YWHAH: variants seen among roughly 807,000 people sequenced by gnomAD.
The protein encoded by YWHAH is 14-3-3 protein eta.
A neutral mutation model predicts 22.9 loss-of-function variants in YWHAH; 6 were observed. The ratio of observed to expected loss-of-function variants is 0.26; its 90% CI spans 0.14 to 0.52. The LOEUF (loss-of-function observed/expected upper bound fraction) is 0.52, where lower values mean the gene tolerates loss of function less well. Ranked by LOEUF, YWHAH falls within the 20% of genes least tolerant of loss-of-function variation. YWHAH has a pLI of 0.97. For missense variants in YWHAH, 173 were observed against 308.6 expected (o/e 0.56, Z 3.29); for synonymous variants, 135 against 124.5 (o/e 1.08, Z -0.56).
intron 1 of YWHAH, among the ~76,000 whole-genome samples, chr22:31,949,364 G>A (rs2093839736): frequency 6.6e-6 from 1 of 151,912 alleles, no homozygotes; most frequent in South Asian, 2.1e-4. Flanking sequence ...GGCTGGTCTT[G>A]AACACCCGAC....
At chr22:31,944,998 C>T (rs1459396531) in intron 1 of YWHAH, 178 bp downstream of exon 1, 46 of 1,119,648 alleles carry the variant, frequency 4.1e-5, no homozygotes, top group South Asian at 8.7e-5. Context: ...CCCGCCACTT[C>T]CTGAGGCTGG....
In YWHAH at chr22:31,944,614, C is replaced by T; in HGVS notation, c.-120C>T. The T allele has an allele frequency of 1.4e-6, 1 of 730,084 alleles. No homozygotes were observed. Among genetic ancestry groups the T allele is most frequent in the Non-Finnish European group, 1.8e-6 (1 of 560,536 alleles). The allele number at this position is 730,084 out of a possible 1,614,324, so 45.2% of individuals were successfully genotyped here. A position where few individuals can be genotyped will look rare whatever the true frequency, so the allele number is the denominator to read the frequency against. On this transcript the variant is annotated 5_prime_UTR_variant, in exon 1 of 2. Transcript: ENST00000248975. ...CTGCAGCCTGCAGCCTCCGGCCGGC[C>T]GGCGAGCCAGTGCGCGTGCGCGGCG...
intron 1 of YWHAH, among the ~76,000 whole-genome samples, chr22:31,948,736 A>G (rs943358424): frequency 6.6e-6 from 1 of 152,230 alleles, no homozygotes; most frequent in South Asian, 2.1e-4. Context: ...CTAGGGAGCT[A>G]TGTTTCCCAC....
chr22:31,944,840 G>T lies in YWHAH; in HGVS notation c.87+20G>T, dbSNP rs1305498381. On this transcript the variant is annotated intron_variant, in intron 1 of 1. Coordinates refer to ENST00000248975, the MANE Select transcript of YWHAH (RefSeq NM_003405.4). ...AAGGCGGTGAGCGCGCCGGGAGCCCGGGCGGCTGGCCGGGGGGGGCCTGGC... is the reference window on the plus strand; with the variant it reads ...AAGGCGGTGAGCGCGCCGGGAGCCCTGGCGGCTGGCCGGGGGGGGCCTGGC... 7.4e-7 allele frequency: 1 copy of T among 1,353,456 alleles called. No homozygotes were observed. 83.8% of individuals were successfully genotyped at this position (1,353,456 alleles called of 1,614,324 possible). A position where few individuals can be genotyped will look rare whatever the true frequency, so the allele number is the denominator to read the frequency against.
intron 1 of YWHAH, chr22:31,945,119 C>T: frequency 4.6e-6 from 5 of 1,075,732 alleles, no homozygotes; most frequent in East Asian, 7.2e-5. Context: ...CGGCCGGGGG[C>T]AGAGGGTGCC....
intron 1 of YWHAH, among the ~76,000 whole-genome samples, chr22:31,949,058 A>G (rs750478107): frequency 2.6e-5 from 4 of 151,916 alleles, no homozygotes; most frequent in Non-Finnish European, 5.9e-5. Flanking sequence ...TTTTCCAGAA[A>G]TACGGTTTCG....
chr22:31,956,487 G>C lies in YWHAH; in HGVS notation c.436G>C (p.Val146Leu). 1 of 1,614,200 alleles carries C rather than the reference G, an allele frequency of 6.2e-7. No individual in the cohort carries two copies. Among genetic ancestry groups the C allele is most frequent in the Non-Finnish European group, 8.5e-7 (1 of 1,180,036 alleles). Residue 146 changes from valine to leucine, a missense_variant, in exon 2 of 2, where the codon GTG (valine) becomes CTG (leucine). Transcript: ENST00000248975. The surrounding 1 kb of genome is among the most constrained non-coding windows in gnomAD (Gnocchi z 5.1). ...EVASGEKKNS[V>L]VEASEAAYKE... ...CGCTTCTGGGGAGAAGAAAAACAGT[G>C]TGGTCGAAGCTTCTGAAGCTGCCTA...
At chr22:31,947,548 C>T (rs889415018) in intron 1 of YWHAH, 2 of 460,430 alleles carry the variant, frequency 4.3e-6, no homozygotes, top group African/African-American at 2.0e-5. Context: ...CTGTTGAGAA[C>T]TTCTCTTCCC....
At chr22:31,950,414 T>A (rs752582754) in intron 1 of YWHAH, 1 of 779,304 alleles carries the variant, frequency 1.3e-6, no homozygotes, top group African/African-American at 1.7e-5. Context: ...GGCATTCCCT[T>A]CTGCGGTGGT....
intron 1 of YWHAH, among the ~76,000 whole-genome samples, chr22:31,949,724 G>C (rs1339597088): frequency 6.6e-6 from 1 of 152,200 alleles, no homozygotes; most frequent in Non-Finnish European, 1.5e-5. Context: ...GAGACTTTCA[G>C]AGGTTGATTT....
chr22:31,950,992 G>A (rs931620844), intron 1 of YWHAH, among the ~76,000 whole-genome samples: 4 of 152,160 alleles, frequency 2.6e-5, no homozygotes, highest in African/African-American at 9.7e-5. Flanking sequence ...CACCTCCTGG[G>A]TTCGAGCGAT....
intron 1 of YWHAH, among the ~76,000 whole-genome samples, chr22:31,954,269 T>TC (rs2093846849): frequency 6.6e-6 from 1 of 152,250 alleles, no homozygotes; most frequent in Non-Finnish European, 1.5e-5. Context: ...TTCTTTTTTT[T>TC]CATTATTGAA....
intron 1 of YWHAH, among the ~76,000 whole-genome samples, chr22:31,949,571 C>A (rs1014906270): frequency 3.3e-5 from 5 of 151,636 alleles, no homozygotes; most frequent in Non-Finnish European, 7.4e-5. Flanking sequence ...GATCTTGGTT[C>A]ACTGCAAGCT....
In YWHAH at chr22:31,956,718, A is replaced by T; in HGVS notation, c.667A>T (p.Met223Leu). The T allele has an allele frequency of 6.2e-7, 1 of 1,613,834 alleles. No individual in the cohort carries two copies. The highest frequency in any genetic ancestry group is 8.5e-7 in the Non-Finnish European group (1 of 1,179,854). Residue 223 changes from methionine to leucine, a missense_variant, in exon 2 of 2, where the codon ATG becomes TTG. Met to Leu is a conservative substitution (Grantham distance 15). Coordinates refer to ENST00000248975, the MANE Select transcript of YWHAH (RefSeq NM_003405.4). This position sits in a 1 kb window ranked among gnomAD's most constrained non-coding sequence, Gnocchi z 5.1. ...EDSYKDSTLI[M>L]QLLRDNLTLW... ...TTCCTATAAGGACTCCACGCTGATC[A>T]TGCAGTTGCTGCGAGACAACCTCAC...
chr22:31,946,898 A>G (rs1449068881), intron 1 of YWHAH, among the ~76,000 whole-genome samples: 1 of 152,242 alleles, frequency 6.6e-6, no homozygotes, highest in Non-Finnish European at 1.5e-5. Context: ...CCCAGCGTAG[A>G]AGAGTCAATC....
At chr22:31,952,153 G>A (rs2093844126) in intron 1 of YWHAH, among the ~76,000 whole-genome samples, 1 of 152,228 alleles carries the variant, frequency 6.6e-6, no homozygotes, top group East Asian at 1.9e-4. Flanking sequence ...GTTGCTTCAT[G>A]TTCCTGATTT....
chr22:31,955,439 C>CTTTTTTTTTTTTTTTT (rs60830862), intron 1 of YWHAH, among the ~76,000 whole-genome samples: 1 of 126,728 alleles, frequency 7.9e-6, no homozygotes. Context: ...TTCAGAGTAT[C>CTTTTTTTTTTTTTTTT]TTTTTTTTTT....
At chr22:31,944,851 CG>C (rs71845980) in intron 1 of YWHAH, 31 bp downstream of exon 1, 586,742 of 1,314,828 alleles carry the variant, frequency 0.45, 137,085 homozygotes, top group African/African-American at 0.79. Context: ...GGCGGCTGGC[CG>C]GGGGGGGCCT....
At chr22:31,948,822 TA>T (rs2093838704) in intron 1 of YWHAH, among the ~76,000 whole-genome samples, 1 of 152,244 alleles carries the variant, frequency 6.6e-6, no homozygotes, top group Non-Finnish European at 1.5e-5. Flanking sequence ...AGTTTGAATT[TA>T]AAAGGTCCTT....
Sources: allele counts gnomAD v4.1 joint callset (sites outside exome capture counted in the v4.1 genomes callset), GRCh38; gene constraint gnomAD v4.1.1; non-coding constraint Gnocchi (gnomAD v3.1); transcripts MANE v1.5; gene names NCBI Gene and HGNC (gene_info 2026-07-23, HGNC 2026-07-21).